Variants in DIP2C observed in about 807,000 individuals in gnomAD.
The protein encoded by DIP2C is disco-interacting protein 2 homolog C.
In DIP2C, 33 loss-of-function variants were observed where a neutral mutation model predicts 192.4. The ratio of observed to expected loss-of-function variants is 0.17; its 90% CI spans 0.13 to 0.23. DIP2C has a LOEUF of 0.23. Among genes scored for constraint, DIP2C ranks in the 10% least tolerant of loss-of-function variants. DIP2C has a pLI of 1.00. For synonymous variants in DIP2C, 979 were observed against 864.1 expected (o/e 1.13, Z -2.33); for missense variants, 1,537 against 2,110.1 (o/e 0.73, Z 5.32).
At chr10:503,420 A>G (rs1845388348) in intron 1 of DIP2C, among the ~76,000 whole-genome samples, 1 of 152,264 alleles carries the variant, frequency 6.6e-6, no homozygotes, top group South Asian at 2.1e-4. Context: ...ACTGACCACA[A>G]AAGAGAGTGG....
chr10:280,460 C>G (rs553922869), intron 36 of DIP2C, among the ~76,000 whole-genome samples: 21 of 151,856 alleles, frequency 1.4e-4, no homozygotes, highest in Non-Finnish European at 2.8e-4. Flanking sequence ...ACTTTTCATC[C>G]AAACTGCCAA....
chr10:526,530 C>CA lies in DIP2C; in HGVS notation c.86-40001dup, dbSNP rs11298752. On this transcript the variant is annotated intron_variant, in intron 1 of 36. Transcript: ENST00000280886. Reference sequence around the variant, plus strand: ...CTGTCACACACCAGCCCTACCCCACCAAAAAAAAAAAAAAAAATCCGTGGC... The same window carrying CA: ...CTGTCACACACCAGCCCTACCCCACCAAAAAAAAAAAAAAAAAATCCGTGGC... Among the ~76,000 whole-genome samples, 133 of 139,064 alleles carry CA rather than the reference C, an allele frequency of 9.6e-4. 1 individual carries two copies. Among genetic ancestry groups the CA allele is most frequent in the African/African-American group, 3.4e-3 (124 of 36,674 alleles). The allele number at this position is 139,064 out of a possible 152,430, so 91.2% of individuals were successfully genotyped here.
chr10:560,723 G>A (rs1588463993), intron 1 of DIP2C, among the ~76,000 whole-genome samples: 1 of 152,076 alleles, frequency 6.6e-6, no homozygotes, highest in African/African-American at 2.4e-5. Flanking sequence ...TAAAATTCTA[G>A]GCCCCCCTGG....
intron 8 of DIP2C, among the ~76,000 whole-genome samples, chr10:413,282 A>G (rs1013686529): frequency 6.6e-5 from 10 of 152,220 alleles, no homozygotes; most frequent in African/African-American, 2.4e-4. Flanking sequence ...GACTGTATTA[A>G]TTGTACTGAA....
chr10:576,234 A>G (rs116660510), intron 1 of DIP2C, among the ~76,000 whole-genome samples: 320 of 152,372 alleles, frequency 2.1e-3, no homozygotes, highest in African/African-American at 7.1e-3. Context: ...CAGCTGCAGA[A>G]GGAAGGGAGC....
chr10:571,020 G>A (rs538328845), intron 1 of DIP2C, among the ~76,000 whole-genome samples: 105 of 152,314 alleles, frequency 6.9e-4, no homozygotes, highest in African/African-American at 2.3e-3. Flanking sequence ...CCTGGGCTGC[G>A]GCTTCCACGC....
At chr10:382,594 G>A in intron 17 of DIP2C, 53 bp downstream of exon 17, 3 of 1,424,808 alleles carry the variant, frequency 2.1e-6, no homozygotes, top group Non-Finnish European at 2.9e-6. Context: ...TCCCTTCGCT[G>A]CTGAATTAGG....
intron 1 of DIP2C, among the ~76,000 whole-genome samples, chr10:506,434 G>A (rs924445473): frequency 1.3e-5 from 2 of 152,154 alleles, no homozygotes; most frequent in East Asian, 3.8e-4. Flanking sequence ...TAGCCCTGGG[G>A]TCTGAGGCTT....
chr10:417,960 G>A (rs866558380), intron 6 of DIP2C, among the ~76,000 whole-genome samples: 46 of 100,524 alleles, frequency 4.6e-4, no homozygotes, highest in Non-Finnish European at 6.2e-4. Context: ...CTGTCCACCT[G>A]CACCTGTCAG....
chr10:326,569 G>A (rs898607780), intron 31 of DIP2C, among the ~76,000 whole-genome samples: 7 of 152,240 alleles, frequency 4.6e-5, no homozygotes, highest in African/African-American at 1.2e-4. Flanking sequence ...TTTCCCAGAA[G>A]TGCGGCTTTG....
intron 4 of DIP2C, among the ~76,000 whole-genome samples, chr10:428,640 T>G (rs1456877120): frequency 6.6e-6 from 1 of 152,128 alleles, no homozygotes; most frequent in African/African-American, 2.4e-5. Context: ...TTGTTCTGCT[T>G]GGAGTTCACT....
chr10:617,733 G>A (rs921914828), intron 1 of DIP2C, among the ~76,000 whole-genome samples: 5 of 148,558 alleles, frequency 3.4e-5, no homozygotes, highest in Non-Finnish European at 5.9e-5. Context: ...CCTCAAGGGC[G>A]CTCACCTGCT....
chr10:312,109 G>A (rs1956590918), intron 31 of DIP2C, among the ~76,000 whole-genome samples: 1 of 152,138 alleles, frequency 6.6e-6, no homozygotes, highest in Admixed American at 6.5e-5. Flanking sequence ...AGAATCCAGC[G>A]CTGGGCTCTC....
At chr10:450,760 A>G (rs748135050) in intron 3 of DIP2C, among the ~76,000 whole-genome samples, 5 of 152,266 alleles carry the variant, frequency 3.3e-5, no homozygotes, top group Non-Finnish European at 7.4e-5. Context: ...GAAAACAGAA[A>G]CACTGATAAT....
At chr10:406,750 G>A (rs1171789661) in intron 9 of DIP2C, among the ~76,000 whole-genome samples, 4 of 151,988 alleles carry the variant, frequency 2.6e-5, no homozygotes, top group African/African-American at 9.7e-5. Flanking sequence ...ACCCTAAAGG[G>A]GTCATGCAGC....
rs191939840 is a variant in DIP2C, at chr10:352,244, C to G, written c.2986-2790G>C. 6.6e-4 allele frequency among the ~76,000 whole-genome samples: 100 copies of G among 152,368 alleles called. 1 individual carries two copies. The highest frequency in any genetic ancestry group is 2.2e-3 in the African/African-American group (93 of 41,600). On this transcript the variant is annotated intron_variant, in intron 24 of 36. Coordinates refer to ENST00000280886, the MANE Select transcript of DIP2C (RefSeq NM_014974.3). ...TGAGATTTGAGAGGCTCAGATGAGA[C>G]ACAGCCAGCAGCCAAGAGTGTCTTT... is the stretch of plus-strand genomic sequence containing the variant.
At chr10:469,485 T>C (rs1011566987) in intron 3 of DIP2C, among the ~76,000 whole-genome samples, 1 of 151,872 alleles carries the variant, frequency 6.6e-6, no homozygotes, top group Non-Finnish European at 1.5e-5. Context: ...CCTGGCTAAT[T>C]TTTGTATTTT....
At position 366,450 on chromosome 10, in the gene DIP2C, G is replaced by A. The variant is rs775696081; in HGVS notation, c.2132-39C>T. ...GGAAAGCACATGCAGTGTGAGAGGG[G>A]GCAGGTGGGGAGAATAAAGGAAACA... On this transcript the variant is annotated intron_variant, in intron 18 of 36. Transcript: ENST00000280886. 3 of 1,613,026 alleles carry A rather than the reference G, an allele frequency of 1.9e-6. No individual in the cohort carries two copies. The South Asian group carries it at 3.3e-5, about 18-fold the overall frequency.
chr10:318,388 A>G (rs1956867809), intron 31 of DIP2C, among the ~76,000 whole-genome samples: 1 of 152,192 alleles, frequency 6.6e-6, no homozygotes. Context: ...TGCTGTCGGC[A>G]GTGAAGGTGT....
Sources: allele counts gnomAD v4.1 joint callset (sites outside exome capture counted in the v4.1 genomes callset), GRCh38; gene constraint gnomAD v4.1.1; transcripts MANE v1.5; gene names NCBI Gene and HGNC (gene_info 2026-07-23, HGNC 2026-07-21).